DAZL: variants seen among roughly 807,000 people sequenced by gnomAD.
The protein encoded by DAZL is deleted in azoospermia like, also known as deleted in azoospermia-like.
A neutral mutation model predicts 45.0 loss-of-function variants in DAZL; 4 were observed. That is an observed-to-expected ratio of 0.09 (90% CI 0.04 to 0.20). The LOEUF (loss-of-function observed/expected upper bound fraction) is 0.20. DAZL is among the 10% of genes least tolerant of loss of function. The pLI is 1.00. For missense variants in DAZL, 326 were observed against 351.3 expected, an observed-to-expected ratio of 0.93 and a Z score of 0.58; for synonymous variants, 122 against 112.4, an observed-to-expected ratio of 1.09 and a Z score of -0.54.
intron 8 of DAZL, 83 bp from the exon 9 acceptor site, chr3:16,593,851 G>A (rs551891474): frequency 2.5e-5 from 21 of 837,654 alleles, no homozygotes; most frequent in Non-Finnish European, 3.6e-5. Context: ...AGCTAAGCTG[G>A]TATCAAAAGT....
intron 1 of DAZL, among the ~76,000 whole-genome samples, chr3:16,603,589 C>T (rs1348896184): frequency 6.6e-6 from 1 of 152,082 alleles, no homozygotes; most frequent in Non-Finnish European, 1.5e-5. Flanking sequence ...TCAAGTGATC[C>T]ACCCGCCTCA....
In DAZL at chr3:16,594,517, G is replaced by A; in HGVS notation, c.621+16C>T. 6.4e-7 allele frequency: 1 copy of A among 1,565,782 alleles called. No homozygotes were observed. Among genetic ancestry groups the A allele is most frequent in the Non-Finnish European group, 8.7e-7 (1 of 1,149,850 alleles). On this transcript the variant is annotated intron_variant, in intron 8 of 10. Transcript: ENST00000399444. ...TTAAAATAACAGGAATTATATGTTTGGCTAATTCACTTTACCGGAGGTACA... is the reference window on the plus strand; with the variant it reads ...TTAAAATAACAGGAATTATATGTTTAGCTAATTCACTTTACCGGAGGTACA...
rs2125045109 is a variant in DAZL, at chr3:16,594,518, G to C, written c.621+15C>G. 1 of 1,567,990 alleles carries C rather than the reference G, an allele frequency of 6.4e-7. No homozygotes were observed. The highest frequency in any genetic ancestry group is 2.3e-5 in the East Asian group (1 of 44,188). On this transcript the variant is annotated intron_variant, in intron 8 of 10. Coordinates refer to ENST00000399444, the MANE Select transcript of DAZL (RefSeq NM_001351.4). ...TAAAATAACAGGAATTATATGTTTGGCTAATTCACTTTACCGGAGGTACAA... is the reference window on the plus strand; with the variant it reads ...TAAAATAACAGGAATTATATGTTTGCCTAATTCACTTTACCGGAGGTACAA...
rs780197070 is a variant in DAZL, at chr3:16,592,017, C to T, written c.834+33G>A. 16 of 1,598,398 alleles carry T rather than the reference C, an allele frequency of 1.0e-5. No homozygotes were observed. The Admixed American group carries it at 1.5e-4, about 15-fold the overall frequency. ...AGATACTTTAAAGCTAACAAGTGTG[C>T]TTTTTAATTGTGCGTAACTGTTATA... On this transcript the variant is annotated intron_variant, in intron 10 of 10. Coordinates refer to ENST00000399444, the MANE Select transcript of DAZL (RefSeq NM_001351.4).
rs1694764983 is a variant in DAZL at position 16,605,401 on chromosome 3, A to C, written c.-196T>G. 7.3e-6 allele frequency: 5 copies of C among 685,498 alleles called. No individual in the cohort carries two copies. The highest frequency in any genetic ancestry group is 1.3e-5 in the Non-Finnish European group (5 of 385,512). The allele number at this position is 685,498 out of a possible 1,614,324, so 42.5% of individuals were successfully genotyped here. A position where few individuals can be genotyped will look rare whatever the true frequency, so the allele number is the denominator to read the frequency against. On this transcript the variant is annotated 5_prime_UTR_variant, in exon 1 of 11. Coordinates refer to ENST00000399444, the MANE Select transcript of DAZL (RefSeq NM_001351.4). ...GAGGAGCCCCGAAAGGCGGACCGTC[A>C]GGCTGAGGAGCGCAGGCGGACTGAG... is the stretch of plus-strand genomic sequence containing the variant.
In DAZL at chr3:16,588,219, T is replaced by C. The variant is rs1694466722; in HGVS notation, c.*441A>G. 5.9e-6 allele frequency: 1 copy of C among 170,766 alleles called. No individual in the cohort carries two copies. The highest frequency in any genetic ancestry group is 1.7e-4 in the East Asian group (1 of 5,812). The allele number at this position is 170,766 out of a possible 1,614,324, so 10.6% of individuals were successfully genotyped here. ...AAATTTTGCTTTTGTGGTAAATTTC[T>C]GGAGAAATCATAAATGCAAAGCTCA... On this transcript the variant is annotated 3_prime_UTR_variant, in exon 11 of 11. Coordinates refer to ENST00000399444, the MANE Select transcript of DAZL (RefSeq NM_001351.4).
In DAZL at chr3:16,604,591, G is replaced by A. The variant is rs866238671; in HGVS notation, c.3+612C>T. ...AGCTACAGGGCCATGCCTTCAGGAC[G>A]CCCCACACCCCACGCTGAGGCCCCC... On this transcript the variant is annotated intron_variant, in intron 1 of 10. Transcript: ENST00000399444. 1.6e-4 allele frequency: 225 copies of A among 1,394,256 alleles called. 1 individual carries two copies. The Middle Eastern group carries it at 1.8e-3, about 11-fold the overall frequency. 86.4% of individuals were successfully genotyped at this position (1,394,256 alleles called of 1,614,324 possible).
intron 1 of DAZL, among the ~76,000 whole-genome samples, chr3:16,604,029 T>C (rs1575421353): frequency 6.6e-6 from 1 of 152,282 alleles, no homozygotes; most frequent in East Asian, 1.9e-4. Context: ...TGAAAAGTGT[T>C]ATAATAAATA....
intron 1 of DAZL, among the ~76,000 whole-genome samples, chr3:16,600,465 CAAT>C (rs1311135561): frequency 6.6e-6 from 1 of 152,096 alleles, no homozygotes; most frequent in Non-Finnish European, 1.5e-5. Context: ...TATTTCATGA[CAAT>C]GATGTGGAAG....
At chr3:16,595,291 C>T (rs1694582237) in intron 7 of DAZL, 23 bp downstream of exon 7, 1 of 1,342,296 alleles carries the variant, frequency 7.4e-7, no homozygotes, top group Non-Finnish European at 1.0e-6. Context: ...GAAAGTAAAT[C>T]ATTTTACTCC....
At chr3:16,595,572 G>A (rs1694586733) in intron 6 of DAZL, among the ~76,000 whole-genome samples, 187 bp from the exon 7 acceptor site, 1 of 151,870 alleles carries the variant, frequency 6.6e-6, no homozygotes, top group East Asian at 1.9e-4. Context: ...TTACCCTTTG[G>A]GTGGGGAGGG....
rs1189261991 is a variant in DAZL at position 16,605,231 on chromosome 3, C to T, written c.-26G>A. 2.5e-6 allele frequency: 4 copies of T among 1,614,178 alleles called. No homozygotes were observed. In the South Asian group the frequency reaches 3.3e-5, roughly 13 times the overall value. On this transcript the variant is annotated 5_prime_UTR_variant, in exon 1 of 11. Coordinates refer to ENST00000399444, the MANE Select transcript of DAZL (RefSeq NM_001351.4). ...GATGGCGGCAGGCAGCAGTTCCCGA[C>T]CGGCTCCAGGAGGAGCAGAGGCTGT...
At chr3:16,598,802 T>TTTTGA (rs149937594) in intron 1 of DAZL, among the ~76,000 whole-genome samples, 4 of 146,344 alleles carry the variant, frequency 2.7e-5, no homozygotes, top group Non-Finnish European at 6.0e-5. Context: ...TTTTTTTTTT[T>TTTTGA]GAGAGAGTCT....
In DAZL at chr3:16,592,676, G is replaced by C. The variant is rs1694539467; in HGVS notation, c.736-528C>G. On this transcript the variant is annotated intron_variant, in intron 9 of 10. Transcript: ENST00000399444. ...CAAAGATTTTAGAACCTTAGTGATAGAATACTGGTTTAAAAAGCTGAATTT... is the reference window on the plus strand; with the variant it reads ...CAAAGATTTTAGAACCTTAGTGATACAATACTGGTTTAAAAAGCTGAATTT... 5.3e-5 allele frequency among the ~76,000 whole-genome samples: 8 copies of C among 152,124 alleles called. No individual in the cohort carries two copies. In the South Asian group the frequency reaches 1.7e-3, roughly 32 times the overall value.
At chr3:16,599,077 G>A (rs913021348) in intron 1 of DAZL, among the ~76,000 whole-genome samples, 14 of 151,880 alleles carry the variant, frequency 9.2e-5, no homozygotes, top group African/African-American at 1.9e-4. Flanking sequence ...GCTACCACGC[G>A]CAGCCAGGAT....
intron 10 of DAZL, among the ~76,000 whole-genome samples, chr3:16,591,833 A>C (rs1694523118): frequency 6.6e-6 from 1 of 152,188 alleles, no homozygotes; most frequent in Admixed American, 6.5e-5. Context: ...ATTTCTGCTG[A>C]AGGATTCTTC....
intron 1 of DAZL, among the ~76,000 whole-genome samples, chr3:16,603,350 AT>A (rs35320883): frequency 0.31 from 46,588 of 147,960 alleles, 7,368 homozygotes; most frequent in Non-Finnish European, 0.36. Context: ...TATTCATAGC[AT>A]TTTTTTTTTT....
intron 1 of DAZL, among the ~76,000 whole-genome samples, chr3:16,600,465 CAA>C (rs954746425): frequency 5.3e-5 from 8 of 152,096 alleles, no homozygotes; most frequent in African/African-American, 1.7e-4. Context: ...TATTTCATGA[CAA>C]TGATGTGGAA....
chr3:16,604,309 A>T, intron 1 of DAZL: 1 of 796,756 alleles, frequency 1.3e-6, no homozygotes, highest in Non-Finnish European at 1.9e-6. Flanking sequence ...TACCAAACTC[A>T]CAAAAACGCA....
Sources: gnomAD v4.1 joint callset for allele counts (sites outside exome capture counted in the v4.1 genomes callset) on GRCh38, gnomAD v4.1.1 for gene constraint, MANE v1.5 for transcripts, NCBI Gene and HGNC (gene_info 2026-07-23, HGNC 2026-07-21) for gene names.